Variants in BTBD9 observed in about 807,000 individuals in gnomAD.
The protein encoded by BTBD9 is BTB domain containing 9.
BTBD9 carries 49 observed loss-of-function variants against 64.3 expected under a neutral mutation model. The observed-to-expected ratio is 0.76, with a 90% confidence interval of 0.61 to 0.97. The LOEUF is 0.97. BTBD9 is among the 50% of genes least tolerant of loss of function. BTBD9 has a pLI of 0.00. For synonymous variants in BTBD9, 260 were observed against 274.7 expected (o/e 0.95, Z 0.53); for missense variants, 598 against 762.1 (o/e 0.78, Z 2.53).
intron 9 of BTBD9, among the ~76,000 whole-genome samples, chr6:38,234,479 T>C (rs1174121327): frequency 6.6e-6 from 1 of 152,224 alleles, no homozygotes; most frequent in Non-Finnish European, 1.5e-5. Flanking sequence ...GTATTTTATA[T>C]ATACAGCATT....
Position 38,175,029 on chromosome 6 carries a change from T to C in BTBD9, c.1795A>G (p.Ser599Gly), listed in dbSNP as rs761124405. 21 of 1,614,084 alleles carry C rather than the reference T, an allele frequency of 1.3e-5. No individual in the cohort carries two copies. The East Asian group carries it at 4.7e-4, about 36-fold the overall frequency. Residue 599 changes from serine to glycine, a missense_variant, in exon 11 of 11, where the codon AGC becomes GGC. Physicochemically the swap from Ser to Gly is moderately conservative, Grantham distance 56. Transcript: ENST00000481247. ...RAPSGSSLPS[S>G]PGSNSRSPNR... ...GGGGAGCGTGAGTTGGAGCCTGGGC[T>C]GGAGGGTAGTGAGCTGCCACTAGGC...
At chr6:38,210,183 T>C (rs542838903) in intron 9 of BTBD9, among the ~76,000 whole-genome samples, 34 of 152,306 alleles carry the variant, frequency 2.2e-4, no homozygotes, top group Admixed American at 5.2e-4. Flanking sequence ...GATGCAGTAA[T>C]TGATGATTAG....
chr6:38,309,809 A>G (rs1316361934), intron 7 of BTBD9, among the ~76,000 whole-genome samples: 1 of 151,848 alleles, frequency 6.6e-6, no homozygotes. Flanking sequence ...TCAAACATTA[A>G]TATTTCTTTA....
intron 6 of BTBD9, among the ~76,000 whole-genome samples, chr6:38,462,904 T>C (rs533095292): frequency 1.3e-5 from 2 of 152,280 alleles, no homozygotes; most frequent in African/African-American, 4.8e-5. Flanking sequence ...ACTCACACTA[T>C]CCTCCCACCT....
At chr6:38,451,350 C>G (rs911377731) in intron 6 of BTBD9, among the ~76,000 whole-genome samples, 1 of 152,180 alleles carries the variant, frequency 6.6e-6, no homozygotes, top group Non-Finnish European at 1.5e-5. Context: ...AAGACAAGTG[C>G]TCATCTCTAT....
In BTBD9 at chr6:38,610,324, T is replaced by C. The variant is rs1490154020; in HGVS notation, c.-27-12203A>G. The stretch of plus-strand genomic sequence containing the variant: ...TAAAATACTCTCTTTGCTGTAGCCA[T>C]GGTAAATCTAAAGCAACCCATACGC... On this transcript the variant is annotated intron_variant, in intron 1 of 10. Coordinates refer to ENST00000481247, the MANE Select transcript of BTBD9 (RefSeq NM_001099272.2). Among the ~76,000 whole-genome samples the C allele has an allele frequency of 3.3e-5, 5 of 152,208 alleles. No homozygotes were observed. In the South Asian group the frequency reaches 8.3e-4, roughly 25 times the overall value.
intron 6 of BTBD9, among the ~76,000 whole-genome samples, chr6:38,381,576 G>A (rs1765935592): frequency 6.6e-6 from 1 of 152,146 alleles, no homozygotes; most frequent in Admixed American, 6.5e-5. Context: ...TAGAATATTT[G>A]AGCAACATAA....
At chr6:38,596,942 G>A (rs538245421) in intron 2 of BTBD9, among the ~76,000 whole-genome samples, 9 of 152,176 alleles carry the variant, frequency 5.9e-5, no homozygotes, top group Non-Finnish European at 1.3e-4. Flanking sequence ...GACCAAGGTC[G>A]GATGCCTTGG....
intron 6 of BTBD9, among the ~76,000 whole-genome samples, chr6:38,555,118 TA>T (rs1446693755): frequency 5.9e-5 from 9 of 152,234 alleles, no homozygotes; most frequent in African/African-American, 2.2e-4. Context: ...TTCTCCAAGA[TA>T]AAAGTATAAT....
intron 6 of BTBD9, among the ~76,000 whole-genome samples, chr6:38,370,841 G>A (rs2127604727): frequency 6.6e-6 from 1 of 152,280 alleles, no homozygotes. Context: ...GGGTTTCCCT[G>A]GAGATGTCTG....
At chr6:38,177,361 C>A (rs537642966) in intron 10 of BTBD9, among the ~76,000 whole-genome samples, 1 of 152,242 alleles carries the variant, frequency 6.6e-6, no homozygotes, top group Non-Finnish European at 1.5e-5. Context: ...GCCCCGCAAG[C>A]CTTCAGGGTG....
chr6:38,524,438 G>A (rs533464100), intron 6 of BTBD9, among the ~76,000 whole-genome samples: 8 of 152,154 alleles, frequency 5.3e-5, no homozygotes, highest in African/African-American at 1.9e-4. Flanking sequence ...GTAGAGAAAT[G>A]GATTAGTATT....
At chr6:38,418,799 T>A (rs1403680990) in intron 6 of BTBD9, among the ~76,000 whole-genome samples, 2 of 152,146 alleles carry the variant, frequency 1.3e-5, no homozygotes, top group East Asian at 3.9e-4. Flanking sequence ...CAATATCACC[T>A]TGGATGAGAA....
intron 7 of BTBD9, among the ~76,000 whole-genome samples, chr6:38,344,483 A>C (rs1764208646): frequency 6.6e-6 from 1 of 152,192 alleles, no homozygotes; most frequent in Admixed American, 6.5e-5. Flanking sequence ...ATATGGAGGC[A>C]CTTTTGTGAG....
chr6:38,491,780 T>G (rs771461985), intron 6 of BTBD9, among the ~76,000 whole-genome samples: 15 of 152,182 alleles, frequency 9.9e-5, no homozygotes, highest in Non-Finnish European at 2.2e-4. Flanking sequence ...GTCTTTCACC[T>G]GGCCCAACAG....
intron 6 of BTBD9, among the ~76,000 whole-genome samples, chr6:38,375,759 C>T (rs1289482557): frequency 6.6e-6 from 1 of 152,022 alleles, no homozygotes; most frequent in African/African-American, 2.4e-5. Context: ...TACTGTGCAA[C>T]ATTAATTCTT....
intron 6 of BTBD9, among the ~76,000 whole-genome samples, chr6:38,525,699 T>C (rs1212216320): frequency 1.3e-5 from 2 of 152,236 alleles, no homozygotes; most frequent in Non-Finnish European, 2.9e-5. Flanking sequence ...TCACTCTTGC[T>C]ATGCTTTAGC....
intron 10 of BTBD9, among the ~76,000 whole-genome samples, chr6:38,176,651 G>C (rs928939981): frequency 6.6e-6 from 1 of 152,160 alleles, no homozygotes; most frequent in Non-Finnish European, 1.5e-5. Context: ...CAACTGGAGG[G>C]GCTAGGTCCT....
chr6:38,352,006 C>T (rs1266578350), intron 6 of BTBD9, among the ~76,000 whole-genome samples: 2 of 151,998 alleles, frequency 1.3e-5, no homozygotes, highest in Admixed American at 6.5e-5. Context: ...AATTCATGTA[C>T]TTTTTTGCCT....
Sources: gnomAD v4.1 joint callset for allele counts (sites outside exome capture counted in the v4.1 genomes callset) on GRCh38, gnomAD v4.1.1 for gene constraint, MANE v1.5 for transcripts, NCBI Gene and HGNC (gene_info 2026-07-23, HGNC 2026-07-21) for gene names.